The following XRCC5 variants were observed in gnomAD, a reference collection of about 807,000 sequenced individuals.
The protein encoded by XRCC5 is DNA repair protein Ku80.
In XRCC5, 12 loss-of-function variants were observed where a neutral mutation model predicts 95.7. That is an observed-to-expected ratio of 0.13 (90% CI 0.08 to 0.20). XRCC5 has a LOEUF of 0.20. Among genes scored for constraint, XRCC5 ranks in the 10% least tolerant of loss-of-function variants. The pLI is 1.00. For missense variants in XRCC5, 595 were observed against 873.9 expected (o/e 0.68, Z 4.02); for synonymous variants, 281 against 290.3 (o/e 0.97, Z 0.33).
intron 13 of XRCC5, among the ~76,000 whole-genome samples, chr2:216,143,783 C>T (rs1447494711): frequency 2.7e-5 from 4 of 149,430 alleles, no homozygotes; most frequent in Non-Finnish European, 5.9e-5. Context: ...TCTTGGCTCA[C>T]TGTGAGCTCT....
intron 12 of XRCC5, among the ~76,000 whole-genome samples, chr2:216,140,577 G>C (rs77965406): frequency 1.3e-5 from 2 of 152,264 alleles, no homozygotes; most frequent in East Asian, 3.9e-4. Flanking sequence ...CATGGAACTT[G>C]AGAGTTTGAA....
chr2:216,175,809 T>C, intron 16 of XRCC5: 2 of 438,650 alleles, frequency 4.6e-6, no homozygotes, highest in South Asian at 1.8e-5. Flanking sequence ...CCTGGAATGT[T>C]TGCTTGGGGT....
At chr2:216,112,740 T>TA (rs1241576427) in intron 1 of XRCC5, among the ~76,000 whole-genome samples, 8 of 152,254 alleles carry the variant, frequency 5.3e-5, no homozygotes, top group African/African-American at 1.9e-4. Context: ...ATCATGGGTT[T>TA]ATTCTGGGGC....
At chr2:216,192,289 C>T (rs529056940) in intron 17 of XRCC5, among the ~76,000 whole-genome samples, 7 of 152,252 alleles carry the variant, frequency 4.6e-5, no homozygotes, top group African/African-American at 1.4e-4. Flanking sequence ...TCAACATGCT[C>T]GGCCTGAGTT....
intron 19 of XRCC5, among the ~76,000 whole-genome samples, chr2:216,203,531 G>A (rs911089816): frequency 3.9e-5 from 6 of 152,092 alleles, no homozygotes; most frequent in African/African-American, 1.4e-4. Context: ...AATTTTCAAG[G>A]GCACTCACCT....
chr2:216,205,559 T>C lies in XRCC5; in HGVS notation c.*357T>C, dbSNP rs996307191. On this transcript the variant is annotated 3_prime_UTR_variant, in exon 21 of 21. Transcript: ENST00000392132. ...GACAGTTGCAGCCCTTGTGATGTGA[T>C]TAGTGTCTCATGTGGAACCATGGCA... The C allele has an allele frequency of 1.7e-5, 4 of 235,074 alleles. No homozygotes were observed. 14.6% of individuals were successfully genotyped at this position (235,074 alleles called of 1,614,324 possible). A position where few individuals can be genotyped will look rare whatever the true frequency, so the allele number is the denominator to read the frequency against.
intron 14 of XRCC5, among the ~76,000 whole-genome samples, chr2:216,150,910 G>A (rs550510028): frequency 2.9e-4 from 44 of 152,092 alleles, no homozygotes; most frequent in Middle Eastern, 3.4e-3. Context: ...AAAAATAAAA[G>A]AAAACGTAAT....
In XRCC5 at chr2:216,112,352, C is replaced by T. The variant is rs186932907; in HGVS notation, c.22-664C>T. ...CTGCCCCTTCACCGCTCTGGTATCCCCTCCACCAGTCTTGAGTGGATGCTC... is the reference window on the plus strand; with the variant it reads ...CTGCCCCTTCACCGCTCTGGTATCCTCTCCACCAGTCTTGAGTGGATGCTC... On this transcript the variant is annotated intron_variant, in intron 1 of 20. Coordinates refer to ENST00000392132, the MANE Select transcript of XRCC5 (RefSeq NM_021141.4). 2.8e-3 allele frequency among the ~76,000 whole-genome samples: 423 copies of T among 152,332 alleles called. 2 individuals carry two copies. The highest frequency in any genetic ancestry group is 4.5e-3 in the Non-Finnish European group (305 of 68,026).
At chr2:216,165,557 C>T (rs1041415778) in intron 16 of XRCC5, among the ~76,000 whole-genome samples, 13 of 152,228 alleles carry the variant, frequency 8.5e-5, no homozygotes, top group Admixed American at 2.6e-4. Context: ...TTTGTTTTTC[C>T]GCTAGGGCAT....
At chr2:216,135,735 G>C (rs1212375311) in intron 10 of XRCC5, among the ~76,000 whole-genome samples, 1 of 151,854 alleles carries the variant, frequency 6.6e-6, no homozygotes, top group Non-Finnish European at 1.5e-5. Context: ...GGACACAGAA[G>C]CTGCAGTGAG....
rs1697125056 is a variant in XRCC5 at position 216,138,545 on chromosome 2, G to C, written c.1342+366G>C. 2.0e-5 allele frequency among the ~76,000 whole-genome samples: 3 copies of C among 152,200 alleles called. No individual in the cohort carries two copies. The South Asian group carries it at 6.2e-4, about 31-fold the overall frequency. On this transcript the variant is annotated intron_variant, in intron 12 of 20. Transcript: ENST00000392132. ...TCTGTGTAAAGTCTGATGTAGCTTT[G>C]AAATGAAAAGTGACAGTGCTGAAGA...
At chr2:216,142,302 C>T (rs1697185399) in intron 13 of XRCC5, among the ~76,000 whole-genome samples, 1 of 152,068 alleles carries the variant, frequency 6.6e-6, no homozygotes, top group South Asian at 2.1e-4. Context: ...TCTAATGTCA[C>T]ATTTCTCAAA....
intron 16 of XRCC5, among the ~76,000 whole-genome samples, chr2:216,180,526 T>A (rs571814130): frequency 6.6e-6 from 1 of 152,248 alleles, no homozygotes; most frequent in South Asian, 2.1e-4. Flanking sequence ...CTCAGGAGGC[T>A]GAGGCACAAG....
At chr2:216,197,663 A>G (rs1230203001) in intron 19 of XRCC5, among the ~76,000 whole-genome samples, 1 of 152,176 alleles carries the variant, frequency 6.6e-6, no homozygotes, top group African/African-American at 2.4e-5. Context: ...CTTCACTGTC[A>G]TGGCAGATAA....
intron 14 of XRCC5, among the ~76,000 whole-genome samples, chr2:216,153,252 T>C (rs1056075160): frequency 2.0e-5 from 3 of 152,214 alleles, no homozygotes; most frequent in Non-Finnish European, 4.4e-5. Context: ...CTGTCAGTTA[T>C]TCCTGCTTTC....
At chr2:216,197,918 T>C (rs1001708488) in intron 19 of XRCC5, among the ~76,000 whole-genome samples, 2 of 152,180 alleles carry the variant, frequency 1.3e-5, no homozygotes, top group African/African-American at 4.8e-5. Flanking sequence ...CATTGTATGG[T>C]GTTTGTCTAC....
intron 16 of XRCC5, among the ~76,000 whole-genome samples, chr2:216,173,620 G>A (rs1689213704): frequency 6.6e-6 from 1 of 152,154 alleles, no homozygotes; most frequent in East Asian, 1.9e-4. Context: ...TTTGAATAAT[G>A]TCACCCAAAG....
intron 14 of XRCC5, 109 bp downstream of exon 14, chr2:216,148,385 GA>G: frequency 9.9e-7 from 1 of 1,011,786 alleles, no homozygotes; most frequent in Non-Finnish European, 1.4e-6. Flanking sequence ...TAAAAGGTGA[GA>G]GGAAGAAGCC....
intron 13 of XRCC5, among the ~76,000 whole-genome samples, chr2:216,145,021 A>G (rs1364317737): frequency 2.0e-5 from 3 of 152,256 alleles, no homozygotes; most frequent in Non-Finnish European, 4.4e-5. Flanking sequence ...AAGGAATCGC[A>G]AGTCAGATGC....
Sources: allele counts gnomAD v4.1 joint callset (sites outside exome capture counted in the v4.1 genomes callset), GRCh38; gene constraint gnomAD v4.1.1; transcripts MANE v1.5; gene names NCBI Gene and HGNC (gene_info 2026-07-23, HGNC 2026-07-21).